Variants in AGR3 observed in about 807,000 individuals in gnomAD.
AGR3 encodes the protein anterior gradient 3, protein disulphide isomerase family member.
A neutral mutation model predicts 24.5 loss-of-function variants in AGR3; 37 were observed. That is an observed-to-expected ratio of 1.51 (90% CI 1.16 to 1.99). The LOEUF (loss-of-function observed/expected upper bound fraction) is 1.99. Ranked by LOEUF, AGR3 falls within the 30% of genes most tolerant of loss-of-function variation. The probability of loss-of-function intolerance (pLI) is 0.00; values close to 1 mark genes in which losing one functional copy is unlikely to be tolerated. For missense variants in AGR3, 228 were observed against 191.1 expected (o/e 1.19, Z -1.14); for synonymous variants, 75 against 61.6 (o/e 1.22, Z -1.02).
intron 5 of AGR3, 61 bp from the exon 6 acceptor site, chr7:16,861,508 A>G (rs1433335560): frequency 2.1e-6 from 3 of 1,441,938 alleles, no homozygotes; most frequent in Non-Finnish European, 1.9e-6. Context: ...TAGTTTCAAG[A>G]TGATTTTGTG....
At chr7:16,856,377 T>C (rs1267378395), downstream of AGR3, among the ~76,000 whole-genome samples, 1 of 152,218 alleles carries the variant, frequency 6.6e-6, no homozygotes, top group Non-Finnish European at 1.5e-5. Context: ...TCTAGTGCAG[T>C]AATTCTAAAC....
chr7:16,870,977 A>G (rs939263661), intron 3 of AGR3, among the ~76,000 whole-genome samples: 17 of 152,154 alleles, frequency 1.1e-4, no homozygotes, highest in African/African-American at 4.1e-4. Context: ...TTTTAATAAT[A>G]TGTTTCTCAG....
At position 16,862,641 on chromosome 7, in the gene AGR3, A is replaced by T. The variant is rs2115300373; in HGVS notation, c.195T>A (p.Ile65=). The T allele has an allele frequency of 6.5e-7, 1 of 1,546,504 alleles. No homozygotes were observed. The highest frequency in any genetic ancestry group is 2.5e-5 in the East Asian group (1 of 40,022). Residue 65 remains isoleucine (I), a synonymous_variant, in exon 4 of 8, where the codon ATT becomes ATA. Transcript: ENST00000310398. ...AGTATTGACAATCCTCCAGGTGATG[A>T]ATAACCATTAATGGCTTCTTACTAA... ...AQKSKKPLMV[I]HHLEDCQYSQ...
At chr7:16,856,588 C>T (rs558861217), downstream of AGR3, among the ~76,000 whole-genome samples, 7 of 152,186 alleles carry the variant, frequency 4.6e-5, no homozygotes, top group Middle Eastern at 3.4e-3. Context: ...TCTAATTAAT[C>T]CCTTTTGAAT....
At chr7:16,855,409 C>T (rs1562542226), downstream of AGR3, among the ~76,000 whole-genome samples, 1 of 151,846 alleles carries the variant, frequency 6.6e-6, no homozygotes, top group African/African-American at 2.4e-5. Flanking sequence ...GAATTCATTC[C>T]AGAAAAGTGA....
At chr7:16,865,597 T>G in intron 3 of AGR3, 3 of 727,998 alleles carry the variant, frequency 4.1e-6, no homozygotes, top group Non-Finnish European at 7.6e-6. Context: ...TCATGTAAAG[T>G]ATGAGAATCC....
At chr7:16,871,612 G>GT (rs1781865794) in intron 3 of AGR3, among the ~76,000 whole-genome samples, 1 of 152,176 alleles carries the variant, frequency 6.6e-6, no homozygotes, top group African/African-American at 2.4e-5. Flanking sequence ...GGAGGTTGAG[G>GT]TGGACGTATC....
intron 2 of AGR3, 97 bp downstream of exon 2, chr7:16,878,413 G>T: frequency 1.9e-6 from 2 of 1,031,538 alleles, no homozygotes; most frequent in Non-Finnish European, 2.8e-6. Context: ...TCAGTTAGTT[G>T]AATTTGCTTT....
At chr7:16,868,709 T>A (rs758106747) in intron 3 of AGR3, among the ~76,000 whole-genome samples, 2 of 152,096 alleles carry the variant, frequency 1.3e-5, no homozygotes, top group Non-Finnish European at 2.9e-5. Context: ...TGAGGTCATA[T>A]GAAAAAAAAT....
At chr7:16,877,286 T>C (rs1462565870) in intron 2 of AGR3, among the ~76,000 whole-genome samples, 1 of 122,604 alleles carries the variant, frequency 8.2e-6, no homozygotes, top group Non-Finnish European at 1.9e-5. Context: ...ATGATATATA[T>C]TATATATAAT....
At chr7:16,861,178 C>T (rs1250197900) in intron 6 of AGR3, among the ~76,000 whole-genome samples, 2 of 152,088 alleles carry the variant, frequency 1.3e-5, no homozygotes, top group East Asian at 3.9e-4. Context: ...GATTTAATAG[C>T]ATACATGCTT....
chr7:16,862,856 G>C (rs545986183), intron 3 of AGR3, among the ~76,000 whole-genome samples, 194 bp from the exon 4 acceptor site: 12 of 152,140 alleles, frequency 7.9e-5, no homozygotes, highest in African/African-American at 2.7e-4. Context: ...AGTATCACTA[G>C]GTAGCTTATT....
chr7:16,877,556 G>A (rs1305812200), intron 2 of AGR3, among the ~76,000 whole-genome samples: 1 of 151,338 alleles, frequency 6.6e-6, no homozygotes, highest in African/African-American at 2.4e-5. Flanking sequence ...TAGAGATATA[G>A]AAACTAACTT....
intron 3 of AGR3, among the ~76,000 whole-genome samples, chr7:16,870,726 T>A (rs1781848918): frequency 6.6e-6 from 1 of 152,176 alleles, no homozygotes; most frequent in South Asian, 2.1e-4. Context: ...TAAACCACTC[T>A]GGCATTCCCA....
chr7:16,876,315 C>T (rs1012188002), intron 2 of AGR3, among the ~76,000 whole-genome samples: 1 of 152,138 alleles, frequency 6.6e-6, no homozygotes, highest in Admixed American at 6.5e-5. Flanking sequence ...AGATTTTATT[C>T]ATTTATCTAA....
chr7:16,857,700 A>C (rs1781573331), downstream of AGR3, among the ~76,000 whole-genome samples: 1 of 152,198 alleles, frequency 6.6e-6, no homozygotes, highest in African/African-American at 2.4e-5. Flanking sequence ...TTTGTAAATA[A>C]ATAGGATACA....
chr7:16,869,564 C>A (rs1359088972), intron 3 of AGR3, among the ~76,000 whole-genome samples: 1 of 151,842 alleles, frequency 6.6e-6, no homozygotes, highest in South Asian at 2.1e-4. Context: ...CCTGTCTCTA[C>A]CAAAAGTACA....
intron 3 of AGR3, among the ~76,000 whole-genome samples, chr7:16,869,288 A>G (rs990386873): frequency 1.3e-5 from 2 of 152,216 alleles, no homozygotes; most frequent in African/African-American, 4.8e-5. Context: ...GTGTTATTAT[A>G]TAATGACCTT....
rs958388634 is a variant in AGR3 at position 16,877,660 on chromosome 7, G to A, written c.109+850C>T. On this transcript the variant is annotated intron_variant, in intron 2 of 7. Coordinates refer to ENST00000310398, the MANE Select transcript of AGR3 (RefSeq NM_176813.5). ...GGGCGGATCACAAGGTCAGGAGATC[G>A]AGACCATCCTGGCTAACACGGTGAA... is the stretch of plus-strand genomic sequence containing the variant. 2.8e-4 allele frequency among the ~76,000 whole-genome samples: 43 copies of A among 151,922 alleles called. No homozygotes were observed. The East Asian group carries it at 8.1e-3, about 29-fold the overall frequency.
Sources: gnomAD v4.1 joint callset for allele counts (sites outside exome capture counted in the v4.1 genomes callset) on GRCh38, gnomAD v4.1.1 for gene constraint, MANE v1.5 for transcripts, NCBI Gene and HGNC (gene_info 2026-07-23, HGNC 2026-07-21) for gene names.